The following LRIG3 variants were observed in gnomAD, a reference collection of about 807,000 sequenced individuals.
The protein encoded by LRIG3 is leucine-rich repeats and immunoglobulin-like domains protein 3.
Under a neutral mutation model 114.5 loss-of-function variants are expected in LRIG3, and 76 were observed. The observed-to-expected ratio is 0.66, with a 90% CI of 0.55 to 0.80. The LOEUF is 0.80. LRIG3 is among the 30% of genes least tolerant of loss of function. The pLI, the probability that LRIG3 is intolerant of heterozygous loss-of-function variation, is 0.00. For missense variants in LRIG3, 1,239 were observed against 1,382.8 expected (o/e 0.90, Z 1.65); for synonymous variants, 512 against 519.8 (o/e 0.98, Z 0.20).
chr12:58,882,871 C>T lies in LRIG3; in HGVS notation c.1478G>A (p.Cys493Tyr). ...GCAAGGGCAATACTTATACTCACCA[C>T]ACACAAAGCCATCTGGGCTAACAGC... ...IFAVSPDGFV[C>Y]DDFPKPQITV... is the part of the protein sequence containing the mutation. The change falls in exon 12 of 19, where the codon TGT (cysteine) becomes TAT (tyrosine). Residue 493 changes from cysteine to tyrosine, a missense_variant and splice_region_variant. Cys to Tyr is a radical substitution (Grantham distance 194). Coordinates refer to ENST00000320743, the MANE Select transcript of LRIG3 (RefSeq NM_153377.5). The T allele has an allele frequency of 6.2e-7, 1 of 1,612,534 alleles. No homozygotes were observed. Among genetic ancestry groups the T allele is most frequent in the Non-Finnish European group, 8.5e-7 (1 of 1,179,314 alleles).
In LRIG3 at chr12:58,889,233, C is replaced by A. The variant is rs560108837; in HGVS notation, c.660-271G>T. Reference sequence around the variant, plus strand: ...AAGTCTTGTCCACTCAGTATAGACACAAACAAATTAAGATTTGTTTTTAAA... The same window carrying A: ...AAGTCTTGTCCACTCAGTATAGACAAAAACAAATTAAGATTTGTTTTTAAA... On this transcript the variant is annotated intron_variant, in intron 5 of 18. Transcript: ENST00000320743. Among the ~76,000 whole-genome samples, 3 of 152,232 alleles carry A rather than the reference C, an allele frequency of 2.0e-5. No individual in the cohort carries two copies. In the South Asian group the frequency reaches 6.2e-4, roughly 32 times the overall value.
rs956590500 is a variant in LRIG3, at chr12:58,919,519, C to T, written c.236+481G>A. Reference sequence around the variant, plus strand: ...TGACCGAATTCTGTTGAGGGGGCTTCCCAAATGAAAAGCCTGACTTCAGTT... The same window carrying T: ...TGACCGAATTCTGTTGAGGGGGCTTTCCAAATGAAAAGCCTGACTTCAGTT... On this transcript the variant is annotated intron_variant, in intron 1 of 18. Transcript: ENST00000320743. 5 of 1,551,154 alleles carry T rather than the reference C, an allele frequency of 3.2e-6. No individual in the cohort carries two copies. The African/African-American group carries it at 5.5e-5, about 17-fold the overall frequency.
intron 1 of LRIG3, among the ~76,000 whole-genome samples, chr12:58,915,916 T>C (rs777476633): frequency 9.9e-5 from 15 of 152,076 alleles, no homozygotes; most frequent in Non-Finnish European, 1.3e-4. Flanking sequence ...ACCTGGGAGG[T>C]AGCCTGAGTC....
At chr12:58,887,505 A>T (rs1290113783) in intron 8 of LRIG3, among the ~76,000 whole-genome samples, 1 of 152,152 alleles carries the variant, frequency 6.6e-6, no homozygotes, top group Non-Finnish European at 1.5e-5. Flanking sequence ...AACTTAGTGG[A>T]CTTAAAATTG....
chr12:58,899,048 T>C (rs1197087879), intron 3 of LRIG3, among the ~76,000 whole-genome samples: 2 of 152,218 alleles, frequency 1.3e-5, no homozygotes, highest in African/African-American at 4.8e-5. Flanking sequence ...TTTTGTAAAC[T>C]TTAGCACACA....
intron 3 of LRIG3, among the ~76,000 whole-genome samples, chr12:58,899,382 T>A (rs533379759): frequency 1.1e-4 from 16 of 152,324 alleles, no homozygotes; most frequent in African/African-American, 3.8e-4. Context: ...AGTGTTAGCC[T>A]TTTTAGTTCA....
intron 12 of LRIG3, among the ~76,000 whole-genome samples, chr12:58,881,351 A>C (rs1871121660): frequency 6.6e-6 from 1 of 152,010 alleles, no homozygotes; most frequent in African/African-American, 2.4e-5. Context: ...ATTAATCAAC[A>C]AAGACAGCCA....
chr12:58,919,557 C>G, intron 1 of LRIG3: 1 of 1,547,802 alleles, frequency 6.5e-7, no homozygotes, highest in Admixed American at 2.0e-5. Flanking sequence ...TGGGTGGGAA[C>G]AGGAAAAGGA....
chr12:58,909,788 C>T (rs1337437313), intron 3 of LRIG3, among the ~76,000 whole-genome samples: 1 of 152,252 alleles, frequency 6.6e-6, no homozygotes, highest in African/African-American at 2.4e-5. Context: ...GGCCACCTGA[C>T]TTGAGCTTTA....
intron 1 of LRIG3, among the ~76,000 whole-genome samples, chr12:58,919,268 T>C (rs1198106377): frequency 6.6e-6 from 1 of 152,154 alleles, no homozygotes; most frequent in Admixed American, 6.5e-5. Flanking sequence ...CAGCTAAAAA[T>C]CCAAAAACTT....
chr12:58,879,138 C>A (rs776896354), intron 13 of LRIG3, 33 bp from the exon 14 acceptor site: 1 of 1,573,840 alleles, frequency 6.4e-7, no homozygotes, highest in South Asian at 1.2e-5. Flanking sequence ...GGCATTAGCA[C>A]AGTGGAGTCT....
chr12:58,900,605 A>C (rs539939885), intron 3 of LRIG3, among the ~76,000 whole-genome samples: 1 of 152,152 alleles, frequency 6.6e-6, no homozygotes, highest in South Asian at 2.1e-4. Context: ...TGTTTTACTG[A>C]AAAAAAATTC....
At position 58,903,222 on chromosome 12, in the gene LRIG3, T is replaced by G. The variant is rs377110263; in HGVS notation, c.383+10760A>C. 1.6e-4 allele frequency among the ~76,000 whole-genome samples: 24 copies of G among 152,328 alleles called. No homozygotes were observed. The East Asian group carries it at 2.7e-3, about 17-fold the overall frequency. On this transcript the variant is annotated intron_variant, in intron 3 of 18. Transcript: ENST00000320743. Reference sequence around the variant, plus strand: ...AGTGTTCCTATTTCTCCACATCCTCTCCAGCACCTGTTGTTTCCTGACCTT... The same window carrying G: ...AGTGTTCCTATTTCTCCACATCCTCGCCAGCACCTGTTGTTTCCTGACCTT...
intron 3 of LRIG3, among the ~76,000 whole-genome samples, chr12:58,893,970 G>C (rs1871545715): frequency 6.6e-6 from 1 of 152,172 alleles, no homozygotes; most frequent in Admixed American, 6.5e-5. Context: ...ATTAGTTGGG[G>C]GTGGGGAGGC....
chr12:58,874,007 T>TG (rs1415432137), intron 18 of LRIG3, 48 bp downstream of exon 18: 17 of 1,599,636 alleles, frequency 1.1e-5, no homozygotes, highest in Non-Finnish European at 1.4e-5. Context: ...ACACACAACT[T>TG]GGAGTATGGA....
intron 3 of LRIG3, among the ~76,000 whole-genome samples, chr12:58,899,097 G>A (rs2120941007): frequency 6.6e-6 from 1 of 152,346 alleles, no homozygotes; most frequent in South Asian, 2.1e-4. Context: ...AGACCAGATT[G>A]TTAAGCCCAC....
In LRIG3 at chr12:58,906,266, A is replaced by G. The variant is rs545676525; in HGVS notation, c.383+7716T>C. Among the ~76,000 whole-genome samples the G allele has an allele frequency of 4.4e-4, 67 of 152,304 alleles. 1 individual carries two copies. Among genetic ancestry groups the G allele is most frequent in the African/African-American group, 1.6e-3 (66 of 41,550 alleles). The stretch of plus-strand genomic sequence containing the variant: ...CACTTTTCAAATACTGAGTTATAAA[A>G]GTTCCCTTTTTTTAAAAAAGGTAGC... On this transcript the variant is annotated intron_variant, in intron 3 of 18. Transcript: ENST00000320743.
At chr12:58,893,196 C>G (rs760201167) in intron 3 of LRIG3, among the ~76,000 whole-genome samples, 2 of 152,262 alleles carry the variant, frequency 1.3e-5, no homozygotes, top group East Asian at 3.9e-4. Context: ...GGGGACAAAA[C>G]GGGCATACAT....
Position 58,920,416 on chromosome 12 carries a change from A to C in LRIG3, c.-181T>G. The C allele has an allele frequency of 4.6e-6, 2 of 430,366 alleles. No homozygotes were observed. Among genetic ancestry groups the C allele is most frequent in the Non-Finnish European group, 8.0e-6 (2 of 250,708 alleles). 26.7% of individuals were successfully genotyped at this position (430,366 alleles called of 1,614,324 possible). Reference sequence around the variant, plus strand: ...CGGCGAAGCCCTTTCATGCCCCCAAACAGCAGGAGGGAAACCGAAAAGAAC... The same window carrying C: ...CGGCGAAGCCCTTTCATGCCCCCAACCAGCAGGAGGGAAACCGAAAAGAAC... On this transcript the variant is annotated 5_prime_UTR_variant, in exon 1 of 19. Transcript: ENST00000320743.
Sources: gnomAD v4.1 joint callset for allele counts (sites outside exome capture counted in the v4.1 genomes callset) on GRCh38, gnomAD v4.1.1 for gene constraint, MANE v1.5 for transcripts, NCBI Gene and HGNC (gene_info 2026-07-23, HGNC 2026-07-21) for gene names.